The following PARN variants were observed in gnomAD, a reference collection of about 807,000 sequenced individuals.
PARN encodes the protein poly(A)-specific ribonuclease PARN.
Under a neutral mutation model 102.8 loss-of-function variants are expected in PARN, and 71 were observed. The ratio of observed to expected loss-of-function variants is 0.69; its 90% CI spans 0.57 to 0.84. PARN has a LOEUF of 0.84. Among genes scored for constraint, PARN ranks in the 40% least tolerant of loss-of-function variants. The pLI is 0.00. For synonymous variants in PARN, 261 were observed against 252.9 expected, an observed-to-expected ratio of 1.03 and a Z score of -0.30; for missense variants, 782 against 760.9, an observed-to-expected ratio of 1.03 and a Z score of -0.33.
chr16:14,565,762 T>C (rs1483390070), intron 18 of PARN, among the ~76,000 whole-genome samples: 3 of 152,218 alleles, frequency 2.0e-5, no homozygotes, highest in East Asian at 1.9e-4. Flanking sequence ...CCCTTCTTAG[T>C]GGAGCACAGG....
intron 9 of PARN, 140 bp downstream of exon 9, chr16:14,608,141 A>C (rs1971306131): frequency 4.5e-6 from 3 of 673,034 alleles, no homozygotes; most frequent in Admixed American, 3.1e-5. Flanking sequence ...TATTCAACTT[A>C]AGAAAGTAGG....
At chr16:14,456,643 T>G (rs1001008600) in intron 22 of PARN, among the ~76,000 whole-genome samples, 2 of 152,194 alleles carry the variant, frequency 1.3e-5, no homozygotes, top group African/African-American at 4.8e-5. Flanking sequence ...CACTCCCATT[T>G]TGCAGACAAG....
At chr16:14,592,036 CAAA>C (rs879685851) in intron 13 of PARN, 3 of 122,014 alleles carry the variant, frequency 2.5e-5, no homozygotes, top group Non-Finnish European at 3.5e-5. Flanking sequence ...GACTCCATCT[CAAA>C]AAAAAAAAAA....
chr16:14,456,058 C>T (rs72787628), intron 22 of PARN, among the ~76,000 whole-genome samples: 24,583 of 152,168 alleles, frequency 0.16, 2,441 homozygotes, highest in Middle Eastern at 0.26. Flanking sequence ...GGGAAATCAA[C>T]TGATCACACA....
At chr16:14,551,907 C>G (rs916517940) in intron 21 of PARN, 114 bp downstream of exon 21, 2 of 630,322 alleles carry the variant, frequency 3.2e-6, no homozygotes, top group African/African-American at 3.7e-5. Context: ...CAAAAACAAA[C>G]GAGGCAGCAA....
chr16:14,558,051 T>C (rs547482655), intron 18 of PARN, among the ~76,000 whole-genome samples: 2 of 152,378 alleles, frequency 1.3e-5, no homozygotes, highest in South Asian at 4.1e-4. Flanking sequence ...TTGTTAGTCA[T>C]GCTTCATATA....
In PARN at chr16:14,436,506, A is replaced by C; in HGVS notation, c.*211T>G. The stretch of plus-strand genomic sequence containing the variant: ...TTCATGACAGCCTACAACCGTGATG[A>C]GTGTCAATGTCAACAGGCAGTTAGA... On this transcript the variant is annotated 3_prime_UTR_variant, in exon 24 of 24. Coordinates refer to ENST00000437198, the MANE Select transcript of PARN (RefSeq NM_002582.4). The C allele has an allele frequency of 1.7e-6, 1 of 596,990 alleles. No individual in the cohort carries two copies. The highest frequency in any genetic ancestry group is 2.0e-5 in the South Asian group (1 of 49,296). The allele number at this position is 596,990 out of a possible 1,614,324, so 37.0% of individuals were successfully genotyped here.
intron 9 of PARN, among the ~76,000 whole-genome samples, chr16:14,607,371 C>G (rs1442064315): frequency 6.6e-6 from 1 of 151,934 alleles, no homozygotes. Flanking sequence ...CCATGTCCGG[C>G]TAAATTTTGT....
intron 22 of PARN, among the ~76,000 whole-genome samples, chr16:14,476,794 C>T (rs983450722): frequency 2.0e-5 from 3 of 152,170 alleles, no homozygotes; most frequent in African/African-American, 7.2e-5. Flanking sequence ...AGTTTACCAA[C>T]CACCAATCTG....
intron 5 of PARN, among the ~76,000 whole-genome samples, chr16:14,625,314 A>G (rs1250115257): frequency 6.6e-6 from 1 of 152,088 alleles, no homozygotes; most frequent in Non-Finnish European, 1.5e-5. Context: ...CCTGATCAAC[A>G]TGGAGAAGCC....
At chr16:14,497,529 T>C (rs1161246047) in intron 21 of PARN, among the ~76,000 whole-genome samples, 1 of 152,174 alleles carries the variant, frequency 6.6e-6, no homozygotes, top group Non-Finnish European at 1.5e-5. Flanking sequence ...CTAGCTAACT[T>C]TGGCAACTTG....
intron 23 of PARN, 116 bp from the exon 24 acceptor site, chr16:14,436,888 G>A (rs1453445800): frequency 1.9e-5 from 14 of 750,220 alleles, no homozygotes; most frequent in Non-Finnish European, 2.5e-5. Context: ...CGGGGCCAGC[G>A]TCTGGCTAAA....
At chr16:14,577,116 T>C (rs1969191362) in intron 18 of PARN, among the ~76,000 whole-genome samples, 1 of 152,256 alleles carries the variant, frequency 6.6e-6, no homozygotes, top group African/African-American at 2.4e-5. Flanking sequence ...GTGGGCAGTT[T>C]AATGTCCACC....
chr16:14,586,934 G>C (rs1048054644), intron 13 of PARN, among the ~76,000 whole-genome samples: 1 of 152,162 alleles, frequency 6.6e-6, no homozygotes, highest in Non-Finnish European at 1.5e-5. Flanking sequence ...GGCACTAATA[G>C]CAAGTGCCTA....
intron 19 of PARN, among the ~76,000 whole-genome samples, chr16:14,554,962 C>T (rs1269577066): frequency 6.6e-6 from 1 of 152,122 alleles, no homozygotes; most frequent in Admixed American, 6.5e-5. Flanking sequence ...GAGATCTAAC[C>T]ACTCTAACCA....
At chr16:14,608,455 C>G (rs72787700) in intron 8 of PARN, 136 bp from the exon 9 acceptor site, 1 of 602,610 alleles carries the variant, frequency 1.7e-6, no homozygotes, top group African/African-American at 1.9e-5. Context: ...AACAAAAATA[C>G]GCAGGTTTTT....
intron 22 of PARN, among the ~76,000 whole-genome samples, chr16:14,467,727 G>C (rs1962447469): frequency 6.6e-6 from 1 of 152,124 alleles, no homozygotes; most frequent in Non-Finnish European, 1.5e-5. Context: ...CAAAAGGTAA[G>C]GCAATACAAA....
intron 5 of PARN, among the ~76,000 whole-genome samples, chr16:14,621,041 AAC>A (rs2151814183): frequency 6.6e-6 from 1 of 152,352 alleles, no homozygotes; most frequent in African/African-American, 2.4e-5. Flanking sequence ...AACACAGAAA[AAC>A]ACACAAACAA....
intron 5 of PARN, among the ~76,000 whole-genome samples, chr16:14,622,284 T>C (rs1972357940): frequency 6.6e-6 from 1 of 152,208 alleles, no homozygotes; most frequent in Admixed American, 6.5e-5. Context: ...ATATCCTATG[T>C]CTCAACAACT....
Sources: gnomAD v4.1 joint callset for allele counts (sites outside exome capture counted in the v4.1 genomes callset) on GRCh38, gnomAD v4.1.1 for gene constraint, MANE v1.5 for transcripts, NCBI Gene and HGNC (gene_info 2026-07-23, HGNC 2026-07-21) for gene names.